Variants in CPS1 observed in about 807,000 individuals in gnomAD.
CPS1 encodes the protein carbamoyl-phosphate synthase [ammonia], mitochondrial.
A neutral mutation model predicts 174.6 loss-of-function variants in CPS1; 109 were observed. That is an observed-to-expected ratio of 0.62 (90% CI 0.53 to 0.73). CPS1 has a LOEUF of 0.73. CPS1 is among the 30% of genes least tolerant of loss of function. The pLI, the probability that CPS1 is intolerant of heterozygous loss-of-function variation, is 0.00. For missense variants in CPS1, 1,689 were observed against 1,821.9 expected (o/e 0.93, Z 1.33); for synonymous variants, 637 against 632.0 (o/e 1.01, Z -0.12).
intron 3 of CPS1, among the ~76,000 whole-genome samples, chr2:210,576,896 A>G (rs1012932958): frequency 1.1e-4 from 17 of 152,176 alleles, no homozygotes; most frequent in Admixed American, 2.0e-4. Flanking sequence ...AAGTAAACAT[A>G]TTAAGATTTC....
At chr2:210,587,831 C>T (rs566431148) in intron 6 of CPS1, among the ~76,000 whole-genome samples, 168 of 151,856 alleles carry the variant, frequency 1.1e-3, no homozygotes, top group African/African-American at 3.9e-3. Context: ...TATAATCAAC[C>T]GTTTATATAA....
At chr2:210,636,194 TG>T (rs1486417465) in intron 21 of CPS1, among the ~76,000 whole-genome samples, 16 of 152,330 alleles carry the variant, frequency 1.1e-4, no homozygotes, top group Admixed American at 4.6e-4. Flanking sequence ...CACAGGTATC[TG>T]GTTAAAGATG....
intron 23 of CPS1, 45 bp downstream of exon 23, chr2:210,639,260 TAGAC>T (rs1700134092): frequency 2.9e-6 from 4 of 1,378,122 alleles, no homozygotes; most frequent in Non-Finnish European, 4.1e-6. Context: ...CTAGATTTCA[TAGAC>T]AGTTCACATT....
intron 27 of CPS1, among the ~76,000 whole-genome samples, chr2:210,649,084 G>C (rs751272091): frequency 6.6e-6 from 1 of 152,180 alleles, no homozygotes; most frequent in Non-Finnish European, 1.5e-5. Flanking sequence ...ACTTTCTTCA[G>C]ATGTTACCAC....
At position 210,651,559 on chromosome 2, in the gene CPS1, A is replaced by G. The variant is rs377408126; in HGVS notation, c.3480+1121A>G. ...TTTTCAGAGGCTGGCTACTGTACTC[A>G]GCTGGTCTCATGTGAGTGATGAGGC... On this transcript the variant is annotated intron_variant, in intron 28 of 37. Transcript: ENST00000233072. Among the ~76,000 whole-genome samples the G allele has an allele frequency of 9.8e-4, 149 of 152,306 alleles. 3 individuals are homozygous for G. The highest frequency in any genetic ancestry group is 3.4e-3 in the African/African-American group (141 of 41,576).
chr2:210,604,912 C>T, intron 16 of CPS1, 190 bp from the exon 17 acceptor site: 1 of 604,618 alleles, frequency 1.7e-6, no homozygotes, highest in South Asian at 1.9e-5. Flanking sequence ...CAAGCATATT[C>T]ACTGCAGGAT....
At chr2:210,545,722 G>A (rs757620100) in intron 1 of CPS1, among the ~76,000 whole-genome samples, 49 of 151,984 alleles carry the variant, frequency 3.2e-4, no homozygotes, top group Non-Finnish European at 5.4e-4. Context: ...AGTCACATGC[G>A]TAGAGGATAT....
In CPS1 at chr2:210,540,459, C is replaced by T. The variant is rs573742473; in HGVS notation, c.4-16260C>T. ...TTTTAGTATTTTTCTGAGTTTCATC[C>T]TGAAAAAATGTAATTGCTGTAAGGT... On this transcript the variant is annotated intron_variant, in intron 1 of 38. Coordinates refer to the CPS1 transcript ENST00000430249. 3.3e-5 allele frequency among the ~76,000 whole-genome samples: 5 copies of T among 152,158 alleles called. No homozygotes were observed. The East Asian group carries it at 7.7e-4, about 24-fold the overall frequency.
intron 21 of CPS1, 70 bp downstream of exon 21, chr2:210,616,611 C>A: frequency 1.1e-6 from 1 of 936,866 alleles, no homozygotes; most frequent in South Asian, 1.3e-5. Flanking sequence ...TCTTCCTACT[C>A]TTAAGCATTT....
At chr2:210,519,895 A>C in intron 1 of CPS1, 1 of 539,378 alleles carries the variant, frequency 1.9e-6, no homozygotes, top group African/African-American at 2.1e-5. Flanking sequence ...TCCAGCATAC[A>C]GTGCTCAGAG....
rs561541409 is a variant in CPS1, at chr2:210,484,731, C to T, written c.3+6965C>T. 2.6e-5 allele frequency among the ~76,000 whole-genome samples: 4 copies of T among 152,266 alleles called. No individual in the cohort carries two copies. The East Asian group carries it at 7.7e-4, about 29-fold the overall frequency. ...TACCCCTCCCTAAATTCTGTATTCT[C>T]ATATATGATTGCATTTCTTTCCTGC... is the stretch of plus-strand genomic sequence containing the variant. On this transcript the variant is annotated intron_variant, in intron 1 of 38. Coordinates refer to the CPS1 transcript ENST00000430249.
intron 5 of CPS1, among the ~76,000 whole-genome samples, chr2:210,580,009 C>G (rs1697863054): frequency 2.0e-5 from 3 of 152,114 alleles, no homozygotes; most frequent in Non-Finnish European, 2.9e-5. Context: ...CACCTGGCAG[C>G]TTATTGAGTG....
intron 5 of CPS1, 65 bp downstream of exon 5, chr2:210,579,835 G>GTGA: frequency 8.1e-7 from 1 of 1,232,958 alleles, no homozygotes. Flanking sequence ...TGTGTGTGTG[G>GTGA]TGTTTCCCTC....
At chr2:210,485,242 A>T (rs562839970) in intron 1 of CPS1, among the ~76,000 whole-genome samples, 271 of 142,472 alleles carry the variant, frequency 1.9e-3, no homozygotes, top group Admixed American at 5.7e-3. Context: ...AAAAAAAAAA[A>T]AAATAAAATA....
At chr2:210,553,047 A>T (rs1156377399), upstream of CPS1, among the ~76,000 whole-genome samples, 2 of 152,090 alleles carry the variant, frequency 1.3e-5, no homozygotes, top group Admixed American at 1.3e-4. Context: ...TGTAAATAGT[A>T]ATCAAATATG....
At chr2:210,606,683 G>T in intron 17 of CPS1, 48 bp from the exon 18 acceptor site, 1 of 1,557,488 alleles carries the variant, frequency 6.4e-7, no homozygotes, top group South Asian at 1.1e-5. Context: ...CGCTGAAGTT[G>T]GTTATTTCAA....
intron 1 of CPS1, among the ~76,000 whole-genome samples, chr2:210,548,032 A>G (rs984800460): frequency 2.0e-5 from 3 of 152,096 alleles, no homozygotes; most frequent in Non-Finnish European, 4.4e-5. Flanking sequence ...TTTATGGACA[A>G]GTAAATTTTT....
Position 210,612,116 on chromosome 2 carries a change from G to C in CPS1, c.2392-1G>C. 1 of 1,611,516 alleles carries C rather than the reference G, an allele frequency of 6.2e-7. No homozygotes were observed. The highest frequency in any genetic ancestry group is 8.5e-7 in the Non-Finnish European group (1 of 1,178,358). On this transcript the variant is annotated splice_acceptor_variant, in intron 19 of 37. Coordinates refer to ENST00000233072, the MANE Select transcript of CPS1 (RefSeq NM_001875.5). LOFTEE classifies it high-confidence loss of function. Reference sequence around the variant, plus strand: ...TATGAGGTCTTAAACATGTATTACAGGTCATGGCTATTGGTCGTACCTTTG... The same window carrying C: ...TATGAGGTCTTAAACATGTATTACACGTCATGGCTATTGGTCGTACCTTTG...
chr2:210,676,171 A>T (rs972996281), intron 36 of CPS1, among the ~76,000 whole-genome samples: 1 of 152,208 alleles, frequency 6.6e-6, no homozygotes, highest in African/African-American at 2.4e-5. Flanking sequence ...GTATAAGATG[A>T]CCAGCTATAT....
Sources: allele counts gnomAD v4.1 joint callset (sites outside exome capture counted in the v4.1 genomes callset), GRCh38; gene constraint gnomAD v4.1.1; transcripts MANE v1.5; gene names NCBI Gene and HGNC (gene_info 2026-07-23, HGNC 2026-07-21).